The following JPH1 variants were observed in gnomAD, a reference collection of about 807,000 sequenced individuals.
JPH1 encodes junctophilin-1.
Under a neutral mutation model 53.6 loss-of-function variants are expected in JPH1, and 12 were observed. The observed-to-expected ratio is 0.22, with a 90% CI of 0.14 to 0.36. The LOEUF is 0.36. Ranked by LOEUF, JPH1 falls within the 10% of genes least tolerant of loss-of-function variation. The pLI is 1.00. For synonymous variants in JPH1, 375 were observed against 363.8 expected (o/e 1.03, Z -0.35); for missense variants, 808 against 905.5 (o/e 0.89, Z 1.38).
chr8:74,308,379 T>C (rs1347800654), intron 2 of JPH1, among the ~76,000 whole-genome samples: 1 of 152,238 alleles, frequency 6.6e-6, no homozygotes, highest in Non-Finnish European at 1.5e-5. Context: ...AGCACACACT[T>C]TGACATTTTC....
At chr8:74,244,292 T>C (rs915672172) in intron 4 of JPH1, among the ~76,000 whole-genome samples, 2 of 152,202 alleles carry the variant, frequency 1.3e-5, no homozygotes, top group Admixed American at 1.3e-4. Flanking sequence ...AGGTCTTACC[T>C]ACCTGAATTA....
chr8:74,291,796 A>C, intron 2 of JPH1, among the ~76,000 whole-genome samples: 2 of 152,194 alleles, frequency 1.3e-5, no homozygotes, highest in East Asian at 3.8e-4. Flanking sequence ...TCAATGATAG[A>C]CTGGATTAAG....
Position 74,284,085 on chromosome 8 carries a change from G to A in JPH1, c.1140-24582C>T, listed in dbSNP as rs776311806. 4.3e-4 allele frequency among the ~76,000 whole-genome samples: 65 copies of A among 152,164 alleles called. 1 individual carries two copies. Among genetic ancestry groups the A allele is most frequent in the Non-Finnish European group, 8.4e-4 (57 of 68,024 alleles). On this transcript the variant is annotated intron_variant, in intron 2 of 5. Coordinates refer to ENST00000342232, the MANE Select transcript of JPH1 (RefSeq NM_020647.4). ...CTTAACCTCAGGCCAGCTGGGGAGG[G>A]CTGTGGTGGTTGGGGAAAAAGCCCT...
rs769389782 is a variant in JPH1 at position 74,315,561 on chromosome 8, C to G, written c.439G>C (p.Val147Leu). The change falls in exon 2 of 6, where the codon GTG becomes CTG. Residue 147 changes from valine (V) to leucine (L), a missense_variant. Val to Leu is a conservative substitution (Grantham distance 32). Transcript: ENST00000342232. The surrounding 1 kb of genome is among the most constrained non-coding windows in gnomAD (Gnocchi z 6.3). ...MRHGYGVRQS[V>L]PYGMATVIRS... ...ATCACCGTGGCCATGCCGTAGGGCACGCTCTGGCGCACGCCGTAGCCATGC... is the reference window on the plus strand; with the variant it reads ...ATCACCGTGGCCATGCCGTAGGGCAGGCTCTGGCGCACGCCGTAGCCATGC... 2.5e-6 allele frequency: 4 copies of G among 1,605,582 alleles called. No individual in the cohort carries two copies. Among genetic ancestry groups the G allele is most frequent in the Non-Finnish European group, 3.4e-6 (4 of 1,178,376 alleles).
chr8:74,269,978 G>T (rs1480386829), intron 2 of JPH1, among the ~76,000 whole-genome samples: 2 of 152,052 alleles, frequency 1.3e-5, no homozygotes, highest in East Asian at 3.9e-4. Flanking sequence ...TTGTATTCAT[G>T]CTTTCTCTGT....
At chr8:74,283,404 T>C (rs967824872) in intron 2 of JPH1, among the ~76,000 whole-genome samples, 6 of 152,054 alleles carry the variant, frequency 3.9e-5, no homozygotes, top group Admixed American at 1.3e-4. Flanking sequence ...TGAGTGCTTA[T>C]AGAGGGGAAT....
chr8:74,300,713 T>C (rs1807655937), intron 2 of JPH1, among the ~76,000 whole-genome samples: 1 of 152,174 alleles, frequency 6.6e-6, no homozygotes, highest in African/African-American at 2.4e-5. Context: ...AACTGAATAA[T>C]TTCTATAAGA....
At chr8:74,270,860 G>A (rs1020033181) in intron 2 of JPH1, among the ~76,000 whole-genome samples, 5 of 152,070 alleles carry the variant, frequency 3.3e-5, no homozygotes, top group African/African-American at 9.7e-5. Context: ...ACACTTTGAT[G>A]AGCTTTTAAC....
intron 2 of JPH1, among the ~76,000 whole-genome samples, chr8:74,273,304 G>A (rs1376902366): frequency 6.6e-6 from 1 of 152,120 alleles, no homozygotes; most frequent in Non-Finnish European, 1.5e-5. Flanking sequence ...ATATTAGATT[G>A]AAATACATAT....
intron 3 of JPH1, among the ~76,000 whole-genome samples, chr8:74,246,255 C>T (rs1805857911): frequency 6.6e-6 from 1 of 152,262 alleles, no homozygotes; most frequent in East Asian, 1.9e-4. Context: ...CTGCCCCCAC[C>T]GACATGCTTA....
chr8:74,247,468 A>G (rs1427932552), intron 3 of JPH1, among the ~76,000 whole-genome samples: 3 of 152,258 alleles, frequency 2.0e-5, no homozygotes, highest in African/African-American at 7.2e-5. Flanking sequence ...TCTTTGATCT[A>G]AAGATAAATG....
intron 2 of JPH1, among the ~76,000 whole-genome samples, chr8:74,297,897 T>C (rs1311485401): frequency 8.5e-6 from 1 of 117,246 alleles, no homozygotes; most frequent in African/African-American, 3.8e-5. Context: ...GATGATGAAA[T>C]TATATAGAGA....
intron 2 of JPH1, among the ~76,000 whole-genome samples, chr8:74,306,806 A>G (rs1807848721): frequency 6.6e-6 from 1 of 152,084 alleles, no homozygotes; most frequent in African/African-American, 2.4e-5. Flanking sequence ...CATGTTGGCC[A>G]GGCTGGTCTC....
chr8:74,301,500 T>C (rs868864942), intron 2 of JPH1, among the ~76,000 whole-genome samples: 1 of 152,214 alleles, frequency 6.6e-6, no homozygotes, highest in Non-Finnish European at 1.5e-5. Context: ...AAGCACCCCT[T>C]GTGATCTGCT....
chr8:74,300,754 C>T (rs1807657850), intron 2 of JPH1, among the ~76,000 whole-genome samples: 1 of 152,106 alleles, frequency 6.6e-6, no homozygotes, highest in Admixed American at 6.5e-5. Flanking sequence ...AAGTCAGGTT[C>T]AAAAACAGGC....
At chr8:74,290,848 T>C (rs568856278) in intron 2 of JPH1, among the ~76,000 whole-genome samples, 45 of 152,296 alleles carry the variant, frequency 3.0e-4, no homozygotes, top group African/African-American at 1.0e-3. Context: ...CCATCTGATC[T>C]TTGACAAACC....
chr8:74,270,293 C>T (rs1489420616), intron 2 of JPH1, among the ~76,000 whole-genome samples: 1 of 152,158 alleles, frequency 6.6e-6, no homozygotes, highest in Non-Finnish European at 1.5e-5. Flanking sequence ...ATTAACGCCT[C>T]CAAGTTTAAA....
chr8:74,237,422 A>C (rs1807033805), intron 4 of JPH1, 119 bp from the exon 5 acceptor site: 1 of 751,342 alleles, frequency 1.3e-6, no homozygotes, highest in Non-Finnish European at 2.3e-6. Context: ...AAGGCATAAA[A>C]GATGACAGCA....
Position 74,321,199 on chromosome 8 carries a change from G to C in JPH1, c.89C>G (p.Thr30Arg), listed in dbSNP as rs772241506. ...EGKAHGHGIC[T>R]GPKGQGEYSG... ...GTACTCGCCCTGGCCCTTGGGCCCCGTGCAGATGCCATGCCCGTGCGCCTT... is the reference window on the plus strand; with the variant it reads ...GTACTCGCCCTGGCCCTTGGGCCCCCTGCAGATGCCATGCCCGTGCGCCTT... Residue 30 changes from threonine (T) to arginine (R), a missense_variant, in exon 1 of 6, where the codon ACG (threonine) becomes AGG (arginine). Physicochemically the swap from Thr to Arg is moderately conservative, Grantham distance 71. Transcript: ENST00000342232. The surrounding 1 kb of genome is among the most constrained non-coding windows in gnomAD (Gnocchi z 4.3). 2 of 1,612,890 alleles carry C rather than the reference G, an allele frequency of 1.2e-6. No individual in the cohort carries two copies. Among genetic ancestry groups the C allele is most frequent in the Non-Finnish European group, 1.7e-6 (2 of 1,179,694 alleles).
Sources: allele counts gnomAD v4.1 joint callset (sites outside exome capture counted in the v4.1 genomes callset), GRCh38; gene constraint gnomAD v4.1.1; non-coding constraint Gnocchi (gnomAD v3.1); transcripts MANE v1.5; gene names NCBI Gene and HGNC (gene_info 2026-07-23, HGNC 2026-07-21).